Variants in GOLGA1 observed in about 807,000 individuals in gnomAD.
GOLGA1 encodes the protein golgin A1.
Under a neutral mutation model 119.7 loss-of-function variants are expected in GOLGA1, and 63 were observed. The observed-to-expected ratio is 0.53, with a 90% CI of 0.43 to 0.65. The LOEUF is 0.65. Ranked by LOEUF, GOLGA1 falls within the 30% of genes least tolerant of loss-of-function variation. The pLI, the probability that GOLGA1 is intolerant of heterozygous loss-of-function variation, is 0.00. For missense variants in GOLGA1, 798 were observed against 912.8 expected (o/e 0.87, Z 1.62); for synonymous variants, 318 against 333.4 (o/e 0.95, Z 0.50).
chr9:124,922,728 G>A (rs1053532997), intron 8 of GOLGA1, among the ~76,000 whole-genome samples: 4 of 151,590 alleles, frequency 2.6e-5, no homozygotes, highest in Non-Finnish European at 5.9e-5. Context: ...TCGCACCTGT[G>A]AGTAGCCATT....
chr9:124,926,889 G>A, intron 6 of GOLGA1, 148 bp from the exon 7 acceptor site: 1 of 553,092 alleles, frequency 1.8e-6, no homozygotes, highest in Non-Finnish European at 3.2e-6. Context: ...CTATAAACTT[G>A]GTTTAATATT....
chr9:124,887,730 A>T (rs1421462695), intron 19 of GOLGA1, among the ~76,000 whole-genome samples: 1 of 152,174 alleles, frequency 6.6e-6, no homozygotes, highest in African/African-American at 2.4e-5. Flanking sequence ...GGATTAAATG[A>T]GATCCTGCAT....
In GOLGA1 at chr9:124,923,230, G is replaced by A. The variant is rs1377975629; in HGVS notation, c.433-7C>T. On this transcript the variant is annotated splice_region_variant and splice_polypyrimidine_tract_variant and intron_variant, in intron 7 of 22. Coordinates refer to ENST00000373555, the MANE Select transcript of GOLGA1 (RefSeq NM_002077.4). ...CTGTCAGAATATTTTTCTCCTATTT[G>A]AAAGAAGAAGACATCAACTCAGGCA... 1 of 1,578,666 alleles carries A rather than the reference G, an allele frequency of 6.3e-7. No individual in the cohort carries two copies. The highest frequency in any genetic ancestry group is 2.3e-5 in the East Asian group (1 of 44,426).
chr9:124,889,260 C>G lies in GOLGA1; in HGVS notation c.1644G>C (p.Glu548Asp), dbSNP rs146058067. The G allele has an allele frequency of 3.2e-4, 516 of 1,613,830 alleles. 1 individual carries two copies. Among genetic ancestry groups the G allele is most frequent in the Non-Finnish European group, 4.2e-4 (493 of 1,179,982 alleles). Residue 548 changes from glutamate to aspartate, a missense_variant, in exon 18 of 23, where the codon GAG (glutamate) becomes GAC (aspartate). Physicochemically the swap from Glu to Asp is conservative, Grantham distance 45. Coordinates refer to ENST00000373555, the MANE Select transcript of GOLGA1 (RefSeq NM_002077.4). ...CCTTGAGGGTCCTCAGGGCCTCCAG[C>G]TCGGCCTGCAGCTGGTGTATCTGCA... ...ALLQIHQLQA[E>D]LEALRTLKAE... is the part of the protein sequence containing the mutation.
At position 124,889,127 on chromosome 9, in the gene GOLGA1, T is replaced by C. The variant is rs1167530408; in HGVS notation, c.1761+16A>G. 3.1e-6 allele frequency: 5 copies of C among 1,593,858 alleles called. No individual in the cohort carries two copies. Among genetic ancestry groups the C allele is most frequent in the South Asian group, 2.3e-5 (2 of 88,808 alleles). On this transcript the variant is annotated intron_variant, in intron 18 of 22. Transcript: ENST00000373555. ...CATCTTGCTGTAGCACCCATGCAGGTGCAGCTGGGACTTACGTGCGACTCA... is the reference window on the plus strand; with the variant it reads ...CATCTTGCTGTAGCACCCATGCAGGCGCAGCTGGGACTTACGTGCGACTCA...
chr9:124,941,245 C>G (rs1232228004), upstream of GOLGA1: 1 of 152,434 alleles, frequency 6.6e-6, no homozygotes, highest in Admixed American at 6.5e-5. Context: ...CGGGCGCTCC[C>G]TCAGCCCAGT....
At chr9:124,922,550 C>CA (rs537417274) in intron 8 of GOLGA1, among the ~76,000 whole-genome samples, 899 of 48,378 alleles carry the variant, frequency 0.019, 6 homozygotes, top group Middle Eastern at 0.093. Flanking sequence ...GACTCTATCT[C>CA]AAAAAAAAAA....
intron 19 of GOLGA1, among the ~76,000 whole-genome samples, chr9:124,887,204 A>C (rs1829743695): frequency 6.6e-6 from 1 of 152,190 alleles, no homozygotes; most frequent in African/African-American, 2.4e-5. Context: ...CAAGGGACGG[A>C]GGTCCTAGGG....
In GOLGA1 at chr9:124,921,907, CAA is replaced by C. The variant is rs1478462685; in HGVS notation, c.562-17_562-16del. ...TTTTTTAAAAGCTGACACAAAAATACAAAGTTTCATTGGGCTATGCTAAGAAA... is the reference window on the plus strand; with the variant it reads ...TTTTTTAAAAGCTGACACAAAAATACAGTTTCATTGGGCTATGCTAAGAAA... On this transcript the variant is annotated splice_polypyrimidine_tract_variant and intron_variant, in intron 8 of 22. Coordinates refer to ENST00000373555, the MANE Select transcript of GOLGA1 (RefSeq NM_002077.4). The C allele has an allele frequency of 1.9e-6, 3 of 1,607,986 alleles. No individual in the cohort carries two copies. Among genetic ancestry groups the C allele is most frequent in the Non-Finnish European group, 1.7e-6 (2 of 1,175,516 alleles).
At chr9:124,943,458 T>C (rs1387834204), upstream of GOLGA1, 2 of 152,222 alleles carry the variant, frequency 1.3e-5, no homozygotes, top group African/African-American at 4.8e-5. Flanking sequence ...CACGACAGAT[T>C]AGCAGCACTT....
intron 11 of GOLGA1, among the ~76,000 whole-genome samples, chr9:124,910,624 T>A (rs950553531): frequency 1.3e-5 from 2 of 152,182 alleles, no homozygotes; most frequent in African/African-American, 4.8e-5. Flanking sequence ...TTACTTGCTC[T>A]AAGTCAGGGG....
At chr9:124,905,762 G>A (rs1830213885) in intron 12 of GOLGA1, among the ~76,000 whole-genome samples, 1 of 152,120 alleles carries the variant, frequency 6.6e-6, no homozygotes, top group African/African-American at 2.4e-5. Flanking sequence ...GCAGGGGTGT[G>A]ATATCCAAGA....
intron 6 of GOLGA1, among the ~76,000 whole-genome samples, chr9:124,927,037 C>G (rs1055213208): frequency 6.6e-6 from 1 of 152,138 alleles, no homozygotes; most frequent in Non-Finnish European, 1.5e-5. Flanking sequence ...TGTTCTGATG[C>G]AGCTTTTTGG....
chr9:124,903,206 G>C (rs1003517117), intron 12 of GOLGA1, among the ~76,000 whole-genome samples: 3 of 152,152 alleles, frequency 2.0e-5, no homozygotes, highest in Admixed American at 2.0e-4. Flanking sequence ...GCTGGGTGTG[G>C]GTTGGGTGCG....
chr9:124,903,651 C>CAAAAAA (rs11435294), intron 12 of GOLGA1, among the ~76,000 whole-genome samples: 93 of 91,108 alleles, frequency 1.0e-3, no homozygotes, highest in East Asian at 1.4e-3. Context: ...AGAAAAAGAC[C>CAAAAAA]AAAAAAAAAA....
chr9:124,931,116 T>C (rs995916591), intron 4 of GOLGA1, among the ~76,000 whole-genome samples, 200 bp downstream of exon 4: 2 of 152,322 alleles, frequency 1.3e-5, no homozygotes, highest in South Asian at 2.1e-4. Flanking sequence ...AAAAATTTTT[T>C]AATAAACTTT....
At chr9:124,936,621 A>C (rs1012490016) in intron 3 of GOLGA1, among the ~76,000 whole-genome samples, 2 of 151,964 alleles carry the variant, frequency 1.3e-5, no homozygotes, top group Admixed American at 6.6e-5. Flanking sequence ...AAAAAAAAAA[A>C]AAAAACTTTT....
intron 15 of GOLGA1, among the ~76,000 whole-genome samples, chr9:124,891,159 T>A (rs1407075211): frequency 6.6e-6 from 1 of 151,968 alleles, no homozygotes; most frequent in East Asian, 1.9e-4. Context: ...CAGAACTGAG[T>A]CTCTGTGGCT....
At chr9:124,927,656 A>G (rs935974189) in intron 6 of GOLGA1, among the ~76,000 whole-genome samples, 2 of 152,216 alleles carry the variant, frequency 1.3e-5, no homozygotes, top group Non-Finnish European at 2.9e-5. Flanking sequence ...ATAGCCAGTA[A>G]CAGAATTATT....
Sources: allele counts gnomAD v4.1 joint callset (sites outside exome capture counted in the v4.1 genomes callset), GRCh38; gene constraint gnomAD v4.1.1; transcripts MANE v1.5; gene names NCBI Gene and HGNC (gene_info 2026-07-23, HGNC 2026-07-21).